Variants in IL1RAPL2 observed in about 807,000 individuals in gnomAD.
IL1RAPL2 encodes the protein X-linked interleukin-1 receptor accessory protein-like 2.
Under a neutral mutation model 44.1 loss-of-function variants are expected in IL1RAPL2, and 3 were observed. The observed-to-expected ratio is 0.07, with a 90% CI of 0.03 to 0.18. The LOEUF (loss-of-function observed/expected upper bound fraction) is 0.18, where lower values mean the gene tolerates loss of function less well. Ranked by LOEUF, IL1RAPL2 falls within the 10% of genes least tolerant of loss-of-function variation. The pLI, the probability that IL1RAPL2 is intolerant of heterozygous loss-of-function variation, is 1.00. For synonymous variants in IL1RAPL2, 181 were observed against 178.8 expected (o/e 1.01, Z -0.10); for missense variants, 391 against 496.4 (o/e 0.79, Z 2.02).
intron 5 of IL1RAPL2, among the ~76,000 whole-genome samples, chrX:105,339,499 G>A (rs1373170727): frequency 2.7e-5 from 3 of 111,663 alleles, no homozygotes; most frequent in Non-Finnish European, 5.6e-5. Context: ...CATATGGGTA[G>A]GAGGATAAGG....
chrX:104,754,870 T>C (rs1397131003), intron 2 of IL1RAPL2, among the ~76,000 whole-genome samples: 1 of 110,964 alleles, frequency 9.0e-6, no homozygotes, highest in African/African-American at 3.3e-5. Context: ...CAAATATGAG[T>C]TTCATTAGCT....
intron 2 of IL1RAPL2, among the ~76,000 whole-genome samples, chrX:104,757,165 G>A (rs1932354033): frequency 8.9e-6 from 1 of 112,011 alleles, no homozygotes; most frequent in Admixed American, 9.5e-5. Context: ...AGTAATGCTA[G>A]TGAAAGAAGA....
chrX:104,684,102 A>T (rs1930939575), intron 2 of IL1RAPL2, among the ~76,000 whole-genome samples: 1 of 112,188 alleles, frequency 8.9e-6, no homozygotes, highest in Admixed American at 9.4e-5. Context: ...ATAGGCTGAC[A>T]GGAAGACATA....
chrX:105,303,148 T>C (rs1052028477), intron 5 of IL1RAPL2, among the ~76,000 whole-genome samples: 1 of 112,236 alleles, frequency 8.9e-6, no homozygotes, highest in African/African-American at 3.2e-5. Context: ...CTGTCTTTCA[T>C]ACCCTCTTTA....
At chrX:105,224,908 C>T (rs2034000066) in intron 3 of IL1RAPL2, among the ~76,000 whole-genome samples, 1 of 111,842 alleles carries the variant, frequency 8.9e-6, no homozygotes, top group Non-Finnish European at 1.9e-5. Context: ...CTGTTTGTAG[C>T]ATGATGTGTC....
intron 2 of IL1RAPL2, among the ~76,000 whole-genome samples, chrX:104,784,608 C>T (rs756234864): frequency 1.8e-5 from 2 of 110,744 alleles, no homozygotes; most frequent in South Asian, 7.8e-4. Context: ...AAGGTAGACT[C>T]TAGGATTATC....
At chrX:105,669,481 T>C (rs1175897086) in intron 6 of IL1RAPL2, among the ~76,000 whole-genome samples, 2 of 111,978 alleles carry the variant, frequency 1.8e-5, no homozygotes, top group Non-Finnish European at 3.8e-5. Context: ...AGCATCACAT[T>C]GTCCTGGTCT....
chrX:104,960,619 C>T (rs1369612161), intron 2 of IL1RAPL2, among the ~76,000 whole-genome samples: 1 of 111,523 alleles, frequency 9.0e-6, no homozygotes, highest in East Asian at 2.8e-4. Flanking sequence ...ATGTGAATCA[C>T]AACAGTAATG....
intron 6 of IL1RAPL2, among the ~76,000 whole-genome samples, chrX:105,616,721 A>G (rs899757292): frequency 9.0e-6 from 1 of 111,327 alleles, no homozygotes; most frequent in Non-Finnish European, 1.9e-5. Flanking sequence ...GTCCTGATCT[A>G]CGGCTTTCCT....
At position 105,591,634 on chromosome X, in the gene IL1RAPL2, T is replaced by C. The variant is rs1272829816; in HGVS notation, c.772+107247T>C. Among the ~76,000 whole-genome samples, 15 of 111,924 alleles carry C rather than the reference T, an allele frequency of 1.3e-4. 1 individual carries two copies. Among genetic ancestry groups the C allele is most frequent in the Non-Finnish European group, 1.9e-5 (1 of 53,207 alleles). On this transcript the variant is annotated intron_variant, in intron 6 of 10. Coordinates refer to ENST00000372582, the MANE Select transcript of IL1RAPL2 (RefSeq NM_017416.2). ...TGTTGTAAATTTATTTTCATTAGTT[T>C]CAAATAATTTCTTGATTTCTGCCTT...
chrX:105,162,651 AC>A (rs1289858643), intron 2 of IL1RAPL2, among the ~76,000 whole-genome samples: 1 of 112,378 alleles, frequency 8.9e-6, no homozygotes, highest in East Asian at 2.8e-4. Flanking sequence ...ACGTACACAT[AC>A]TTAGGAAAAC....
At chrX:105,323,322 T>G (rs1354361737) in intron 5 of IL1RAPL2, among the ~76,000 whole-genome samples, 1 of 112,165 alleles carries the variant, frequency 8.9e-6, no homozygotes, top group Non-Finnish European at 1.9e-5. Flanking sequence ...CATTGTTACT[T>G]TATTTTTCAC....
intron 2 of IL1RAPL2, among the ~76,000 whole-genome samples, chrX:104,805,218 CAT>C (rs1420288449): frequency 2.7e-5 from 3 of 111,677 alleles, no homozygotes; most frequent in Non-Finnish European, 5.7e-5. Flanking sequence ...TATAAAAGCA[CAT>C]GTTAATGCCT....
At chrX:105,076,331 G>C (rs1208024207) in intron 2 of IL1RAPL2, among the ~76,000 whole-genome samples, 1 of 111,628 alleles carries the variant, frequency 9.0e-6, no homozygotes, top group Non-Finnish European at 1.9e-5. Context: ...AGGTTGTTCA[G>C]TTTCCATGTA....
chrX:104,631,447 T>C (rs1399423332), intron 1 of IL1RAPL2, among the ~76,000 whole-genome samples: 1 of 111,615 alleles, frequency 9.0e-6, no homozygotes, highest in Non-Finnish European at 1.9e-5. Flanking sequence ...TAGTTTACAG[T>C]CCCACCAACA....
chrX:105,164,552 C>G (rs2033355387), intron 2 of IL1RAPL2, among the ~76,000 whole-genome samples: 1 of 112,369 alleles, frequency 8.9e-6, no homozygotes, highest in African/African-American at 3.2e-5. Flanking sequence ...GCAAAAGGAA[C>G]AGGGCAAGAA....
intron 1 of IL1RAPL2, chrX:104,647,960 A>G (rs890589713): frequency 2.3e-5 from 19 of 821,188 alleles, no homozygotes; most frequent in Non-Finnish European, 3.0e-5. Flanking sequence ...AGCTAAGGCC[A>G]GGCCAAACTT....
intron 2 of IL1RAPL2, among the ~76,000 whole-genome samples, chrX:105,073,035 C>CTTTTTT (rs201850028): frequency 9.6e-6 from 1 of 104,581 alleles, no homozygotes; most frequent in African/African-American, 3.6e-5. Context: ...GCCACATTTT[C>CTTTTTT]TTTTTTTTTC....
intron 1 of IL1RAPL2, among the ~76,000 whole-genome samples, chrX:104,652,609 G>A (rs908569360): frequency 4.5e-5 from 5 of 111,507 alleles, no homozygotes; most frequent in East Asian, 2.8e-4. Context: ...AAATTTAACC[G>A]ATTCATTAAG....
Sources: allele counts gnomAD v4.1 joint callset (sites outside exome capture counted in the v4.1 genomes callset), GRCh38; gene constraint gnomAD v4.1.1; transcripts MANE v1.5; gene names NCBI Gene and HGNC (gene_info 2026-07-23, HGNC 2026-07-21).